Variants in AFF1 observed in about 807,000 individuals in gnomAD.
AFF1 encodes the protein AF4/FMR2 family member 1.
A neutral mutation model predicts 121.7 loss-of-function variants in AFF1; 48 were observed. That is an observed-to-expected ratio of 0.39 (90% CI 0.31 to 0.50). The LOEUF is 0.50. Ranked by LOEUF, AFF1 falls within the 20% of genes least tolerant of loss-of-function variation. AFF1 has a pLI of 0.76. For missense variants in AFF1, 1,523 were observed against 1,511.7 expected, an observed-to-expected ratio of 1.01 and a Z score of -0.12; for synonymous variants, 613 against 563.0, an observed-to-expected ratio of 1.09 and a Z score of -1.26.
intron 2 of AFF1, among the ~76,000 whole-genome samples, chr4:87,010,373 A>G (rs1051990615): frequency 6.6e-5 from 10 of 152,206 alleles, no homozygotes; most frequent in Non-Finnish European, 1.5e-4. Flanking sequence ...TGTCTTGTCA[A>G]AGCGGATTGT....
intron 1 of AFF1, among the ~76,000 whole-genome samples, chr4:86,942,973 A>C (rs1406878975): frequency 6.6e-6 from 1 of 152,224 alleles, no homozygotes; most frequent in Admixed American, 6.5e-5. Flanking sequence ...TTCCTAACCC[A>C]TATAATAAGC....
chr4:87,115,457 G>C (rs1325291740), intron 12 of AFF1, among the ~76,000 whole-genome samples, 158 bp downstream of exon 12: 3 of 151,980 alleles, frequency 2.0e-5, no homozygotes, highest in Non-Finnish European at 2.9e-5. Context: ...AGCATTACCT[G>C]TCTGGACTTT....
intron 11 of AFF1, among the ~76,000 whole-genome samples, chr4:87,112,456 G>A (rs984359326): frequency 6.6e-6 from 1 of 152,188 alleles, no homozygotes; most frequent in Non-Finnish European, 1.5e-5. Flanking sequence ...AAGGAATTAT[G>A]TAGTCATCTT....
At position 86,951,615 on chromosome 4, in the gene AFF1, CTTT is replaced by C. The variant is rs748093135; in HGVS notation, c.38+3049_38+3051del. Among the ~76,000 whole-genome samples the C allele has an allele frequency of 1.1e-3, 138 of 124,972 alleles. 1 individual carries two copies. Among genetic ancestry groups the C allele is most frequent in the African/African-American group, 4.3e-3 (130 of 29,938 alleles). The allele number at this position is 124,972 out of a possible 152,430, so 82.0% of individuals were successfully genotyped here. A position where few individuals can be genotyped will look rare whatever the true frequency, so the allele number is the denominator to read the frequency against. Reference sequence around the variant, plus strand: ...GAACTTTTTTTTCTTTTTCTTTTTTCTTTTTTTCTTTTTTTTTTTTTTTTTTGA... The same window carrying C: ...GAACTTTTTTTTCTTTTTCTTTTTTCTTTTCTTTTTTTTTTTTTTTTTTGA... On this transcript the variant is annotated intron_variant, in intron 2 of 20. Coordinates refer to ENST00000395146, the MANE Select transcript of AFF1 (RefSeq NM_001166693.3).
chr4:86,996,458 A>G (rs1343275043), intron 2 of AFF1, among the ~76,000 whole-genome samples: 51 of 151,810 alleles, frequency 3.4e-4, no homozygotes, highest in Non-Finnish European at 5.9e-4. Context: ...CATGTGCTGT[A>G]TCCACTCAGG....
At chr4:86,937,603 A>G (rs1039120468) in intron 1 of AFF1, among the ~76,000 whole-genome samples, 4 of 152,172 alleles carry the variant, frequency 2.6e-5, no homozygotes, top group African/African-American at 9.7e-5. Flanking sequence ...TATTTTTGAG[A>G]CAGGTTCTCA....
chr4:87,020,052 A>T (rs1408883611), intron 2 of AFF1, among the ~76,000 whole-genome samples: 1 of 152,178 alleles, frequency 6.6e-6, no homozygotes, highest in African/African-American at 2.4e-5. Flanking sequence ...GAATTTTTTG[A>T]AAACAGCACC....
At chr4:87,106,560 C>A (rs1266341010) in intron 10 of AFF1, among the ~76,000 whole-genome samples, 2 of 152,144 alleles carry the variant, frequency 1.3e-5, no homozygotes, top group African/African-American at 4.8e-5. Flanking sequence ...TTCTTAGTTA[C>A]ATGAATTTTC....
intron 4 of AFF1, among the ~76,000 whole-genome samples, chr4:87,059,940 C>T (rs867190158): frequency 1.3e-5 from 2 of 151,972 alleles, no homozygotes; most frequent in East Asian, 1.9e-4. Flanking sequence ...AACTTTGCTA[C>T]GCTGTGCTCA....
chr4:87,058,410 C>T (rs1308103724), intron 4 of AFF1, among the ~76,000 whole-genome samples: 1 of 152,112 alleles, frequency 6.6e-6, no homozygotes, highest in Non-Finnish European at 1.5e-5. Context: ...CAGTTTTGGT[C>T]TTCGTGGCCA....
At chr4:87,088,416 A>G (rs1266526189) in intron 5 of AFF1, among the ~76,000 whole-genome samples, 4 of 152,360 alleles carry the variant, frequency 2.6e-5, no homozygotes, top group East Asian at 3.9e-4. Flanking sequence ...AGACCTGCAC[A>G]TAGGTTGGAA....
intron 2 of AFF1, chr4:86,949,819 G>T (rs139732379): frequency 3.7e-6 from 6 of 1,613,978 alleles, no homozygotes; most frequent in East Asian, 2.2e-5. Flanking sequence ...TCATGATGGC[G>T]AAACCGATCC....
intron 4 of AFF1, among the ~76,000 whole-genome samples, chr4:87,079,976 A>G (rs536173705): frequency 2.0e-4 from 30 of 152,328 alleles, no homozygotes; most frequent in African/African-American, 7.0e-4. Context: ...AATTGAGGTG[A>G]TAATAACATA....
intron 2 of AFF1, among the ~76,000 whole-genome samples, chr4:86,971,140 T>C (rs1722915840): frequency 6.6e-6 from 1 of 152,170 alleles, no homozygotes; most frequent in Middle Eastern, 3.2e-3. Context: ...ATGGGGATTA[T>C]CTTTCCCTCC....
intron 8 of AFF1, among the ~76,000 whole-genome samples, chr4:87,097,648 G>A (rs1317264953): frequency 6.6e-6 from 1 of 152,200 alleles, no homozygotes; most frequent in African/African-American, 2.4e-5. Flanking sequence ...GAAGGGAGGA[G>A]AGGTAAGAGT....
At chr4:87,055,929 A>T (rs923830816) in intron 4 of AFF1, among the ~76,000 whole-genome samples, 3 of 152,326 alleles carry the variant, frequency 2.0e-5, no homozygotes, top group East Asian at 3.9e-4. Flanking sequence ...AGAACTCTAT[A>T]AGCAGCTATT....
intron 4 of AFF1, among the ~76,000 whole-genome samples, chr4:87,049,478 A>G (rs1047444763): frequency 6.6e-5 from 10 of 152,084 alleles, no homozygotes. Flanking sequence ...AAAACCCCTT[A>G]TATTTAATAT....
chr4:87,041,836 GA>G (rs1730188248), intron 2 of AFF1, among the ~76,000 whole-genome samples: 1 of 152,076 alleles, frequency 6.6e-6, no homozygotes, highest in Non-Finnish European at 1.5e-5. Context: ...CCAACTTGGT[GA>G]AACCCTGTCT....
At chr4:87,122,881 TAAAAA>T (rs3036188) in intron 12 of AFF1, among the ~76,000 whole-genome samples, 12 of 96,642 alleles carry the variant, frequency 1.2e-4, no homozygotes, top group Admixed American at 3.7e-4. Flanking sequence ...GGAAAATTAG[TAAAAA>T]AAAAAAAAAA....
Sources: allele counts gnomAD v4.1 joint callset (sites outside exome capture counted in the v4.1 genomes callset), GRCh38; gene constraint gnomAD v4.1.1; transcripts MANE v1.5; gene names NCBI Gene and HGNC (gene_info 2026-07-23, HGNC 2026-07-21).